Variants in RERE observed in about 807,000 individuals in gnomAD.
RERE encodes the protein arginine-glutamic acid dipeptide repeats protein.
A neutral mutation model predicts 146.1 loss-of-function variants in RERE; 40 were observed. That is an observed-to-expected ratio of 0.27 (90% CI 0.21 to 0.36). The LOEUF (loss-of-function observed/expected upper bound fraction) is 0.36, where lower values mean the gene tolerates loss of function less well. Ranked by LOEUF, RERE falls within the 10% of genes least tolerant of loss-of-function variation. The pLI, the probability that RERE is intolerant of heterozygous loss-of-function variation, is 1.00. For missense variants in RERE, 1,933 were observed against 2,138.7 expected (o/e 0.90, Z 1.90); for synonymous variants, 1,003 against 866.0 (o/e 1.16, Z -2.78).
intron 1 of RERE, among the ~76,000 whole-genome samples, chr1:8,754,853 T>C (rs1310899469): frequency 6.6e-6 from 1 of 152,234 alleles, no homozygotes; most frequent in African/African-American, 2.4e-5. Flanking sequence ...GTAGCAGGTA[T>C]AGAAAGATCT....
intron 12 of RERE, among the ~76,000 whole-genome samples, chr1:8,398,774 C>A (rs1182187259): frequency 6.6e-6 from 1 of 152,166 alleles, no homozygotes; most frequent in Non-Finnish European, 1.5e-5. Flanking sequence ...GAATCTGGCA[C>A]AGGGCCTTGC....
chr1:8,450,970 A>G (rs1003891216), intron 11 of RERE, among the ~76,000 whole-genome samples: 1 of 152,180 alleles, frequency 6.6e-6, no homozygotes, highest in Non-Finnish European at 1.5e-5. Flanking sequence ...CATACCTAAG[A>G]TGTGAAACTA....
At chr1:8,495,667 G>A (rs899031335) in intron 9 of RERE, among the ~76,000 whole-genome samples, 3 of 152,162 alleles carry the variant, frequency 2.0e-5, no homozygotes, top group Non-Finnish European at 4.4e-5. Context: ...GTTACTTTTA[G>A]TCAGATCCAT....
chr1:8,435,773 A>G (rs1324593137), intron 11 of RERE, among the ~76,000 whole-genome samples: 5 of 152,224 alleles, frequency 3.3e-5, no homozygotes, highest in Non-Finnish European at 7.3e-5. Flanking sequence ...CAGCCCATTG[A>G]GCTATCCTAT....
intron 8 of RERE, among the ~76,000 whole-genome samples, chr1:8,503,547 T>C (rs1645210049): frequency 1.3e-5 from 2 of 152,152 alleles, no homozygotes; most frequent in Admixed American, 6.5e-5. Context: ...AATAGTATTA[T>C]AGAAGGGAAT....
chr1:8,466,985 A>G (rs1180299793), intron 10 of RERE, among the ~76,000 whole-genome samples: 1 of 152,178 alleles, frequency 6.6e-6, no homozygotes, highest in Non-Finnish European at 1.5e-5. Context: ...TTGGAAATCC[A>G]CCTTTCCTGT....
chr1:8,694,985 G>GGGA (rs1557486422), intron 1 of RERE, among the ~76,000 whole-genome samples: 10 of 79,412 alleles, frequency 1.3e-4, no homozygotes, highest in Admixed American at 2.7e-4. Flanking sequence ...GGGGGGGGGG[G>GGGA]AATGCTGGCA....
intron 1 of RERE, among the ~76,000 whole-genome samples, chr1:8,797,508 T>A (rs1050405097): frequency 2.0e-5 from 3 of 152,172 alleles, no homozygotes; most frequent in African/African-American, 7.2e-5. Context: ...AAGAAATCTC[T>A]GGAATAAAAA....
At position 8,656,187 on chromosome 1, in the gene RERE, T is replaced by A; in HGVS notation, c.111A>T (p.Pro37=). The change falls in exon 2 of 23, where the codon CCA becomes CCT. Residue 37 remains proline, a synonymous_variant. Transcript: ENST00000400908. ...DKARESENSR[P]RRSCTLEGGA... Reference sequence around the variant, plus strand: ...CTCCTTCCAAGGTACAGCTCCGGCGTGGCCTTGAATTCTCACTCTCTCTTG... The same window carrying A: ...CTCCTTCCAAGGTACAGCTCCGGCGAGGCCTTGAATTCTCACTCTCTCTTG... 1 of 1,613,798 alleles carries A rather than the reference T, an allele frequency of 6.2e-7. No individual in the cohort carries two copies. Among genetic ancestry groups the A allele is most frequent in the Non-Finnish European group, 8.5e-7 (1 of 1,179,668 alleles).
At chr1:8,525,621 A>G (rs1311717375) in intron 7 of RERE, 5 of 898,588 alleles carry the variant, frequency 5.6e-6, no homozygotes, top group African/African-American at 3.5e-5. Context: ...TACCACCTAC[A>G]TGGCCAGCTA....
intron 12 of RERE, among the ~76,000 whole-genome samples, chr1:8,377,644 T>A (rs1280627268): frequency 6.6e-6 from 1 of 152,208 alleles, no homozygotes; most frequent in East Asian, 1.9e-4. Flanking sequence ...CTCTATCTCG[T>A]AAACATTTTT....
chr1:8,426,273 T>G (rs1329243355), intron 11 of RERE, among the ~76,000 whole-genome samples: 1 of 151,896 alleles, frequency 6.6e-6, no homozygotes, highest in African/African-American at 2.4e-5. Context: ...GCTAACACAG[T>G]GAAACCCCGT....
At position 8,359,912 on chromosome 1, in the gene RERE, G is replaced by C. The variant is rs1201953079; in HGVS notation, c.3470C>G (p.Ser1157Cys). ...CTCCTCCCTCTTCTTGGCCAGCTTG[G>C]ACCCGGCCAGAGGCATGAAGTACAG... ...TDLYFMPLAG[S>C]KLAKKREEAI... The change falls in exon 19 of 23, where the codon TCC becomes TGC. Residue 1157 changes from serine (S) to cysteine (C), a missense_variant. This residue lies in a region of RERE where 1,255 missense variants were observed against 1,153.8 expected (regional missense o/e 1.09). Coordinates refer to ENST00000400908, the MANE Select transcript of RERE (RefSeq NM_001042681.2). The C allele has an allele frequency of 4.3e-6, 7 of 1,613,294 alleles. No individual in the cohort carries two copies. Among genetic ancestry groups the C allele is most frequent in the East Asian group, 2.2e-5 (1 of 44,864 alleles).
intron 1 of RERE, among the ~76,000 whole-genome samples, chr1:8,696,061 T>C (rs889599785): frequency 5.3e-5 from 8 of 152,078 alleles, no homozygotes; most frequent in African/African-American, 9.7e-5. Flanking sequence ...ATGGCTATTA[T>C]TAAAAAGCCA....
At chr1:8,625,381 TA>T (rs1646962668) in intron 2 of RERE, among the ~76,000 whole-genome samples, 1 of 152,192 alleles carries the variant, frequency 6.6e-6, no homozygotes, top group Non-Finnish European at 1.5e-5. Flanking sequence ...AAGATCATCA[TA>T]AAGCTTAGGT....
chr1:8,634,723 G>A (rs1283700815), intron 2 of RERE, among the ~76,000 whole-genome samples: 1 of 152,064 alleles, frequency 6.6e-6, no homozygotes, highest in Non-Finnish European at 1.5e-5. Flanking sequence ...TCTAATTGAA[G>A]TCAAAGAATA....
intron 11 of RERE, among the ~76,000 whole-genome samples, chr1:8,432,766 T>C (rs1644112382): frequency 1.3e-5 from 2 of 152,198 alleles, no homozygotes; most frequent in South Asian, 2.1e-4. Context: ...CCCTGAAACA[T>C]AATACATGTT....
At position 8,361,006 on chromosome 1, in the gene RERE, CCCG is replaced by C; in HGVS notation, c.2498_2500del (p.Ala833del). ...GGCATGAGAGGGTGCAGAAGGCTGG[CCCG>C]CCGACCCAGTCAGAGGCTGCAGCGG... On this transcript the variant is annotated inframe_deletion, in exon 18 of 23. Transcript: ENST00000400908. 7.0e-7 allele frequency: 1 copy of C among 1,435,928 alleles called. No homozygotes were observed. Among genetic ancestry groups the C allele is most frequent in the South Asian group, 1.5e-5 (1 of 67,944 alleles). 88.9% of individuals were successfully genotyped at this position (1,435,928 alleles called of 1,614,324 possible).
chr1:8,372,943 G>C (rs980884126), intron 12 of RERE, among the ~76,000 whole-genome samples: 1 of 152,220 alleles, frequency 6.6e-6, no homozygotes, highest in Admixed American at 6.5e-5. Flanking sequence ...TCGGAGAGAA[G>C]GGGGATGAGG....
Sources: allele counts gnomAD v4.1 joint callset (sites outside exome capture counted in the v4.1 genomes callset), GRCh38; gene constraint gnomAD v4.1.1; regional missense constraint gnomAD v4.1.1; transcripts MANE v1.5; gene names NCBI Gene and HGNC (gene_info 2026-07-23, HGNC 2026-07-21).